The following UGGT2 variants were observed in gnomAD, a reference collection of about 807,000 sequenced individuals.
The protein encoded by UGGT2 is UDP-glucose glycoprotein glucosyltransferase 2.
In UGGT2, 180 loss-of-function variants were observed where a neutral mutation model predicts 192.1. The ratio of observed to expected loss-of-function variants is 0.94; its 90% CI spans 0.83 to 1.06. The LOEUF (loss-of-function observed/expected upper bound fraction) is 1.06. Ranked by LOEUF, UGGT2 falls within the 50% of genes least tolerant of loss-of-function variation. The pLI, the probability that UGGT2 is intolerant of heterozygous loss-of-function variation, is 0.00. For missense variants in UGGT2, 1,849 were observed against 1,795.7 expected, an observed-to-expected ratio of 1.03 and a Z score of -0.54; for synonymous variants, 580 against 591.0, an observed-to-expected ratio of 0.98 and a Z score of 0.27.
chr13:95,869,818 T>C (rs1024085477), intron 29 of UGGT2, among the ~76,000 whole-genome samples: 2 of 152,176 alleles, frequency 1.3e-5, no homozygotes, highest in African/African-American at 4.8e-5. Flanking sequence ...ATTCAAATAA[T>C]TCATATTCTC....
intron 10 of UGGT2, among the ~76,000 whole-genome samples, chr13:95,973,455 T>C (rs1208168138): frequency 7.2e-5 from 11 of 152,204 alleles, no homozygotes. Flanking sequence ...CACATTCCTA[T>C]TTCTTGAGGC....
At chr13:96,016,831 C>G (rs747052674) in intron 4 of UGGT2, among the ~76,000 whole-genome samples, 7 of 152,194 alleles carry the variant, frequency 4.6e-5, no homozygotes, top group Non-Finnish European at 1.0e-4. Context: ...TCACCAGCAG[C>G]TTGCACCTTG....
At chr13:95,987,693 T>A (rs1349832115) in intron 8 of UGGT2, among the ~76,000 whole-genome samples, 1 of 152,274 alleles carries the variant, frequency 6.6e-6, no homozygotes, top group African/African-American at 2.4e-5. Flanking sequence ...TTTTAATGGA[T>A]GTGCATGAAA....
intron 33 of UGGT2, among the ~76,000 whole-genome samples, chr13:95,857,941 T>TA (rs1357440223): frequency 3.3e-5 from 5 of 152,042 alleles, no homozygotes; most frequent in African/African-American, 1.2e-4. Flanking sequence ...GAAAGCATGT[T>TA]AAAAAATTAG....
intron 5 of UGGT2, among the ~76,000 whole-genome samples, chr13:96,001,903 TCTTC>T (rs901834756): frequency 6.6e-6 from 1 of 152,206 alleles, no homozygotes; most frequent in Non-Finnish European, 1.5e-5. Context: ...ATATATTTTC[TCTTC>T]CTTATGACTT....
rs1335847824 is a variant in UGGT2 at position 95,856,167 on chromosome 13, A to G, written c.3999T>C (p.Asp1333=). ...PLAVDKIIFV[D]ADQIVRHDLK... Reference sequence around the variant, plus strand: ...TAGTTAACCTTATTACCTGGTCAGCATCAACAAAAATGATTTTGTCCACTG... The same window carrying G: ...TAGTTAACCTTATTACCTGGTCAGCGTCAACAAAAATGATTTTGTCCACTG... The change falls in exon 34 of 39, where the codon GAT becomes GAC. Residue 1333 remains aspartate, a synonymous_variant. Transcript: ENST00000376747. 1 of 1,610,942 alleles carries G rather than the reference A, an allele frequency of 6.2e-7. No individual in the cohort carries two copies. The highest frequency in any genetic ancestry group is 8.5e-7 in the Non-Finnish European group (1 of 1,179,144).
At chr13:95,996,219 T>C in intron 6 of UGGT2, 84 bp from the exon 7 acceptor site, 1 of 1,293,426 alleles carries the variant, frequency 7.7e-7, no homozygotes, top group Non-Finnish European at 1.1e-6. Flanking sequence ...TAGAAGAACT[T>C]GGCCAGGTGC....
intron 1 of UGGT2, among the ~76,000 whole-genome samples, chr13:96,043,273 C>T (rs779204643): frequency 3.9e-5 from 6 of 152,132 alleles, no homozygotes; most frequent in Admixed American, 2.0e-4. Flanking sequence ...AACTAATCTT[C>T]ATAAATGAAG....
intron 26 of UGGT2, among the ~76,000 whole-genome samples, chr13:95,887,575 G>A (rs1038681260): frequency 6.6e-6 from 1 of 152,064 alleles, no homozygotes; most frequent in African/African-American, 2.4e-5. Context: ...AACCAAAAAT[G>A]GTTTAATTCC....
intron 12 of UGGT2, among the ~76,000 whole-genome samples, chr13:95,952,470 A>G (rs528246541): frequency 4.7e-4 from 72 of 152,324 alleles, no homozygotes; most frequent in African/African-American, 1.7e-3. Context: ...ACCTTAAATC[A>G]TCTCTAGATT....
intron 38 of UGGT2, among the ~76,000 whole-genome samples, chr13:95,812,604 G>C (rs1470611795): frequency 1.3e-5 from 2 of 152,064 alleles, no homozygotes; most frequent in Non-Finnish European, 2.9e-5. Context: ...ATCTCATATT[G>C]AATTGAGTTG....
At chr13:96,004,189 AAC>A (rs1490927490) in intron 5 of UGGT2, among the ~76,000 whole-genome samples, 2 of 151,828 alleles carry the variant, frequency 1.3e-5, no homozygotes, top group Non-Finnish European at 2.9e-5. Context: ...AAAAAAAAAA[AAC>A]ATATTTGTTT....
At chr13:95,822,848 T>C (rs936769406) in intron 38 of UGGT2, among the ~76,000 whole-genome samples, 1 of 152,068 alleles carries the variant, frequency 6.6e-6, no homozygotes, top group Non-Finnish European at 1.5e-5. Flanking sequence ...GGCTTTGGGT[T>C]TAGTTTGTTC....
intron 24 of UGGT2, 45 bp from the exon 25 acceptor site, chr13:95,891,009 T>C (rs778009725): frequency 2.3e-6 from 3 of 1,330,702 alleles, no homozygotes; most frequent in African/African-American, 1.5e-5. Flanking sequence ...GTTAAGTTTA[T>C]ACAAACAACT....
intron 12 of UGGT2, among the ~76,000 whole-genome samples, chr13:95,953,600 T>C (rs1175864531): frequency 6.6e-6 from 1 of 152,202 alleles, no homozygotes; most frequent in African/African-American, 2.4e-5. Flanking sequence ...AACATAAATA[T>C]ATGCCCTTTT....
intron 6 of UGGT2, 86 bp downstream of exon 6, chr13:95,999,119 GTAGGAT>G (rs2051716551): frequency 2.4e-6 from 2 of 839,960 alleles, no homozygotes; most frequent in African/African-American, 3.4e-5. Context: ...ATGAACATAT[GTAGGAT>G]TATACTCATT....
At chr13:95,870,508 TG>T (rs1247657246) in intron 29 of UGGT2, among the ~76,000 whole-genome samples, 1 of 152,224 alleles carries the variant, frequency 6.6e-6, no homozygotes, top group Non-Finnish European at 1.5e-5. Context: ...CTTAGCTTTC[TG>T]GGTACCAAAG....
intron 2 of UGGT2, among the ~76,000 whole-genome samples, chr13:96,030,872 A>G (rs2052812253): frequency 6.6e-6 from 1 of 152,262 alleles, no homozygotes; most frequent in South Asian, 2.1e-4. Flanking sequence ...TATCTTACAA[A>G]TAGTGAAATG....
intron 38 of UGGT2, among the ~76,000 whole-genome samples, chr13:95,828,366 A>C (rs1886264000): frequency 6.6e-6 from 1 of 152,218 alleles, no homozygotes; most frequent in Admixed American, 6.5e-5. Context: ...CCTTCAAAAA[A>C]TCAATGAATT....
Sources: gnomAD v4.1 joint callset for allele counts (sites outside exome capture counted in the v4.1 genomes callset) on GRCh38, gnomAD v4.1.1 for gene constraint, MANE v1.5 for transcripts, NCBI Gene and HGNC (gene_info 2026-07-23, HGNC 2026-07-21) for gene names.